Variants in PACS1 observed in about 807,000 individuals in gnomAD.
PACS1 encodes the protein phosphofurin acidic cluster sorting protein 1.
In PACS1, 24 loss-of-function variants were observed where a neutral mutation model predicts 115.0. The ratio of observed to expected loss-of-function variants is 0.21; its 90% CI spans 0.15 to 0.29. PACS1 has a LOEUF of 0.29. Among genes scored for constraint, PACS1 ranks in the 10% least tolerant of loss-of-function variants. PACS1 has a pLI of 1.00. For synonymous variants in PACS1, 453 were observed against 504.5 expected (o/e 0.90, Z 1.37); for missense variants, 838 against 1,251.2 (o/e 0.67, Z 4.98).
chr11:66,185,083 A>G (rs1860095895), intron 1 of PACS1, among the ~76,000 whole-genome samples: 1 of 152,212 alleles, frequency 6.6e-6, no homozygotes, highest in Non-Finnish European at 1.5e-5. Context: ...TCTTATTGGA[A>G]GGAAATTGAT....
intron 1 of PACS1, among the ~76,000 whole-genome samples, chr11:66,137,378 A>G (rs1858871787): frequency 6.6e-6 from 1 of 152,112 alleles, no homozygotes. Context: ...TTACTCCAAC[A>G]TTATTGAATT....
rs147103447 is a variant in PACS1 at position 66,134,693 on chromosome 11, C to T, written c.357-58793C>T. On this transcript the variant is annotated intron_variant, in intron 1 of 23. Transcript: ENST00000320580. ...TTGGGTAGGGCTCCCTGTACCCTGG[C>T]GCCAGGGCGTTGTTCTGACCGATGG... Among the ~76,000 whole-genome samples the T allele has an allele frequency of 2.2e-3, 342 of 152,074 alleles. 2 individuals are homozygous for T. Among genetic ancestry groups the T allele is most frequent in the Non-Finnish European group, 4.1e-3 (281 of 67,976 alleles).
At chr11:66,193,715 G>C in intron 2 of PACS1, 142 bp downstream of exon 2, 1 of 581,088 alleles carries the variant, frequency 1.7e-6, no homozygotes, top group Non-Finnish European at 3.1e-6. Context: ...AAAGATAACA[G>C]AGCTCACAGG....
rs118160702 is a variant in PACS1 at position 66,174,259 on chromosome 11, A to G, written c.357-19227A>G. Among the ~76,000 whole-genome samples the G allele has an allele frequency of 4.3e-3, 650 of 152,342 alleles. 6 individuals are homozygous for G. Among genetic ancestry groups the G allele is most frequent in the Admixed American group, 0.017 (263 of 15,304 alleles). ...ACTTACTGAATGACCTTAATCAGAA[A>G]AGCAGACAATAATAAATGGTGGTGA... On this transcript the variant is annotated intron_variant, in intron 1 of 23. Coordinates refer to ENST00000320580, the MANE Select transcript of PACS1 (RefSeq NM_018026.4).
intron 1 of PACS1, among the ~76,000 whole-genome samples, chr11:66,193,084 C>G (rs1854565552): frequency 6.6e-6 from 1 of 152,200 alleles, no homozygotes; most frequent in Non-Finnish European, 1.5e-5. Context: ...CCTCTTCCCC[C>G]TCAGAAATGG....
intron 17 of PACS1, among the ~76,000 whole-genome samples, chr11:66,234,750 A>C (rs1855672876): frequency 6.6e-6 from 1 of 152,080 alleles, no homozygotes; most frequent in Non-Finnish European, 1.5e-5. Context: ...GTTGGTGTGC[A>C]CCTGTAGTCC....
chr11:66,084,387 C>G (rs1157998848), intron 1 of PACS1, among the ~76,000 whole-genome samples: 4 of 152,188 alleles, frequency 2.6e-5, no homozygotes, highest in Non-Finnish European at 4.4e-5. Context: ...GGTGATCTCA[C>G]AGGCCATTGT....
intron 1 of PACS1, among the ~76,000 whole-genome samples, chr11:66,180,352 T>C (rs75996481): frequency 6.8e-6 from 1 of 147,044 alleles, no homozygotes; most frequent in Non-Finnish European, 1.5e-5. Context: ...TTCTTTCAGC[T>C]TTTTTTTTTG....
chr11:66,177,333 C>T (rs1197303299), intron 1 of PACS1, among the ~76,000 whole-genome samples: 1 of 152,056 alleles, frequency 6.6e-6, no homozygotes, highest in Non-Finnish European at 1.5e-5. Context: ...GCTGGGATTA[C>T]ACCATGCGCC....
At chr11:66,182,040 A>C (rs1860023945) in intron 1 of PACS1, among the ~76,000 whole-genome samples, 2 of 152,216 alleles carry the variant, frequency 1.3e-5, no homozygotes, top group Admixed American at 1.3e-4. Context: ...CTTACATTTA[A>C]GTCTCTTCTG....
intron 10 of PACS1, among the ~76,000 whole-genome samples, chr11:66,223,103 T>C (rs1045295112): frequency 3.2e-4 from 49 of 152,094 alleles, no homozygotes; most frequent in Non-Finnish European, 1.3e-4. Flanking sequence ...ATTTTTTATT[T>C]TTATTGGAGT....
rs369934909 is a variant in PACS1, at chr11:66,239,273, G to A, written c.2425G>A (p.Val809Met). 10 of 1,610,974 alleles carry A rather than the reference G, an allele frequency of 6.2e-6. No individual in the cohort carries two copies. The highest frequency in any genetic ancestry group is 3.3e-5 in the South Asian group (3 of 90,982). Reference sequence around the variant, plus strand: ...ATCTATGAGCAGCGCCCTGGCCATCGTGGGGTAAGGCTCCTGCCCGTACCT... The same window carrying A: ...ATCTATGAGCAGCGCCCTGGCCATCATGGGGTAAGGCTCCTGCCCGTACCT... ...SPSMSSALAI[V>M]GSPNSPYGDV... The change falls in exon 21 of 24, where the codon GTG (valine) becomes ATG (methionine). Residue 809 changes from valine to methionine, a missense_variant. Physicochemically the swap from Val to Met is conservative, Grantham distance 21. Coordinates refer to ENST00000320580, the MANE Select transcript of PACS1 (RefSeq NM_018026.4).
In PACS1 at chr11:66,211,129, C is replaced by T. The variant is rs144180500; in HGVS notation, c.535-5C>T. ...CCACGCTCGACTCTGTTTTGTATTT[C>T]GTAGTACCCTCATTTCCTTAAGCGA... On this transcript the variant is annotated splice_region_variant and splice_polypyrimidine_tract_variant and intron_variant, in intron 3 of 23. Coordinates refer to ENST00000320580, the MANE Select transcript of PACS1 (RefSeq NM_018026.4). The T allele has an allele frequency of 6.5e-5, 105 of 1,613,328 alleles. No individual in the cohort carries two copies. The highest frequency in any genetic ancestry group is 4.3e-4 in the African/African-American group (32 of 75,030).
In PACS1 at chr11:66,244,175, G is replaced by A. The variant is rs1855873823; in HGVS notation, c.*895G>A. ...GCACAGCTCTGCCTGGACTTGGAGA[G>A]ATGGGAGGCAGACCCCCACCACCAT... On this transcript the variant is annotated 3_prime_UTR_variant, in exon 24 of 24. Coordinates refer to ENST00000320580, the MANE Select transcript of PACS1 (RefSeq NM_018026.4). The A allele has an allele frequency of 6.6e-6, 1 of 152,176 alleles. No individual in the cohort carries two copies. Among genetic ancestry groups the A allele is most frequent in the South Asian group, 2.1e-4 (1 of 4,832 alleles). The allele number at this position is 152,176 out of a possible 1,614,324, so 9.4% of individuals were successfully genotyped here.
chr11:66,113,757 C>A (rs909989039), intron 1 of PACS1, among the ~76,000 whole-genome samples: 1 of 152,198 alleles, frequency 6.6e-6, no homozygotes, highest in African/African-American at 2.4e-5. Context: ...CGTGATCAAA[C>A]TCTTGCTCTG....
intron 20 of PACS1, 62 bp from the exon 21 acceptor site, chr11:66,239,080 C>T: frequency 6.2e-7 from 1 of 1,610,996 alleles, no homozygotes; most frequent in South Asian, 1.1e-5. Flanking sequence ...CGGCTCCTTG[C>T]CACCACCAAG....
At chr11:66,132,601 C>G (rs1333655276) in intron 1 of PACS1, among the ~76,000 whole-genome samples, 1 of 151,508 alleles carries the variant, frequency 6.6e-6, no homozygotes, top group Non-Finnish European at 1.5e-5. Context: ...AGGGAATAAA[C>G]AAGAAAAAAA....
At chr11:66,198,607 A>G (rs1854701686) in intron 2 of PACS1, among the ~76,000 whole-genome samples, 1 of 152,230 alleles carries the variant, frequency 6.6e-6, no homozygotes, top group South Asian at 2.1e-4. Context: ...GGGTGGGCAG[A>G]CTGCAGAGGG....
rs763210681 is a variant in PACS1 at position 66,239,226 on chromosome 11, C to T, written c.2378C>T (p.Thr793Met). ...PSSSGLSRDA[T>M]ATPPSSPSMS... ...AGCTCGGGCCTGAGCCGAGACGCCA[C>T]GGCCACCCCTCCCTCCTCCCCATCT... The change falls in exon 21 of 24, where the codon ACG (threonine) becomes ATG (methionine). Residue 793 changes from threonine (T) to methionine (M), a missense_variant. Physicochemically the swap from Thr to Met is moderately conservative, Grantham distance 81. Around this residue, in one of 6 missense-constraint regions of PACS1, gnomAD observed 383 missense variants for 537.0 expected, o/e 0.71. Transcript: ENST00000320580. 74 of 1,613,724 alleles carry T rather than the reference C, an allele frequency of 4.6e-5. No homozygotes were observed. The highest frequency in any genetic ancestry group is 1.6e-4 in the Middle Eastern group (1 of 6,084).
Sources: allele counts gnomAD v4.1 joint callset (sites outside exome capture counted in the v4.1 genomes callset), GRCh38; gene constraint gnomAD v4.1.1; regional missense constraint gnomAD v4.1.1; transcripts MANE v1.5; gene names NCBI Gene and HGNC (gene_info 2026-07-23, HGNC 2026-07-21).